Variants in PRAG1 observed in about 807,000 individuals in gnomAD.
The protein encoded by PRAG1 is PEAK1 related, kinase-activating pseudokinase 1.
A neutral mutation model predicts 95.6 loss-of-function variants in PRAG1; 110 were observed. That is an observed-to-expected ratio of 1.15 (90% CI 0.99 to 1.35). PRAG1 has a LOEUF of 1.35. Among genes scored for constraint, PRAG1 ranks in the 40% most tolerant of loss-of-function variants. The pLI, the probability that PRAG1 is intolerant of heterozygous loss-of-function variation, is 0.00. For missense variants in PRAG1, 2,554 were observed against 1,864.7 expected, an observed-to-expected ratio of 1.37 and a Z score of -6.81; for synonymous variants, 1,052 against 819.4, an observed-to-expected ratio of 1.28 and a Z score of -4.85.
chr8:8,370,676 T>A (rs1800161677), intron 3 of PRAG1, among the ~76,000 whole-genome samples: 1 of 152,168 alleles, frequency 6.6e-6, no homozygotes, highest in Admixed American at 6.5e-5. Context: ...CCCATCTCAC[T>A]CATCCTATGC....
intron 3 of PRAG1, among the ~76,000 whole-genome samples, chr8:8,340,812 C>T (rs773227465): frequency 3.9e-5 from 6 of 152,174 alleles, no homozygotes; most frequent in African/African-American, 9.6e-5. Flanking sequence ...CCCTTAGAAT[C>T]GTACTTTTAA....
At chr8:8,340,471 G>A (rs558661971) in intron 3 of PRAG1, among the ~76,000 whole-genome samples, 1 of 152,310 alleles carries the variant, frequency 6.6e-6, no homozygotes, top group East Asian at 1.9e-4. Flanking sequence ...TCCACACCAG[G>A]TCCAGCTCTT....
intron 3 of PRAG1, among the ~76,000 whole-genome samples, chr8:8,373,766 C>G (rs114938164): frequency 6.6e-6 from 1 of 152,018 alleles, no homozygotes; most frequent in African/African-American, 2.4e-5. Flanking sequence ...CTTTTTAATT[C>G]TTTTTTCTCC....
chr8:8,337,830 C>A (rs571041278), intron 4 of PRAG1, among the ~76,000 whole-genome samples: 1 of 152,182 alleles, frequency 6.6e-6, no homozygotes, highest in African/African-American at 2.4e-5. Context: ...AGCTCTCTGT[C>A]TCCCACCTGC....
chr8:8,326,771 A>G (rs1585220461), intron 5 of PRAG1, among the ~76,000 whole-genome samples: 1 of 152,318 alleles, frequency 6.6e-6, no homozygotes, highest in African/African-American at 2.4e-5. Context: ...AGACAGACAC[A>G]GAAGAGCTCA....
At chr8:8,361,205 G>A (rs1481872017) in intron 3 of PRAG1, among the ~76,000 whole-genome samples, 1 of 152,176 alleles carries the variant, frequency 6.6e-6, no homozygotes, top group Non-Finnish European at 1.5e-5. Context: ...AGGAAAGAAC[G>A]TTGAAGTTGA....
intron 3 of PRAG1, among the ~76,000 whole-genome samples, chr8:8,367,419 C>T (rs1800044315): frequency 9.2e-6 from 1 of 108,552 alleles, no homozygotes; most frequent in Non-Finnish European, 1.7e-5. Context: ...GGTCGTGCCA[C>T]TGCACTCCAG....
intron 3 of PRAG1, among the ~76,000 whole-genome samples, chr8:8,369,282 G>C (rs1274791767): frequency 6.6e-6 from 1 of 151,880 alleles, no homozygotes; most frequent in African/African-American, 2.4e-5. Context: ...GAAAAGTCAA[G>C]GAAGAATGTA....
chr8:8,347,532 T>C (rs1397033293), intron 3 of PRAG1, among the ~76,000 whole-genome samples: 1 of 152,236 alleles, frequency 6.6e-6, no homozygotes, highest in Non-Finnish European at 1.5e-5. Context: ...ATTTAGCCAC[T>C]TACTAAAGTC....
At chr8:8,382,764 A>G (rs2116952955) in intron 1 of PRAG1, among the ~76,000 whole-genome samples, 1 of 152,258 alleles carries the variant, frequency 6.6e-6, no homozygotes, top group Middle Eastern at 3.4e-3. Context: ...CCATTAACCA[A>G]TTACCTTGAA....
chr8:8,351,091 G>T (rs754826153), intron 3 of PRAG1, among the ~76,000 whole-genome samples: 3 of 152,180 alleles, frequency 2.0e-5, no homozygotes, highest in Non-Finnish European at 2.9e-5. Flanking sequence ...AAGAAAAGAG[G>T]TTTAATTGCC....
chr8:8,318,552 C>A lies in PRAG1; in HGVS notation c.3823G>T (p.Ala1275Ser), dbSNP rs766765366. The part of the protein sequence containing the change: ...LHQPNPFEVR[A>S]QLRERDYRQE... Reference sequence around the variant, plus strand: ...CGGTAGTCTCTCTCCCGCAGCTGGGCGCGCACCTCGAACGGGTTGGGTTGG... The same window carrying A: ...CGGTAGTCTCTCTCCCGCAGCTGGGAGCGCACCTCGAACGGGTTGGGTTGG... The change falls in exon 6 of 6, where the codon GCC becomes TCC. Residue 1275 changes from alanine (A) to serine (S), a missense_variant. Transcript: ENST00000615670. The surrounding 1 kb of genome is among the most constrained non-coding windows in gnomAD (Gnocchi z 4.2). 1 of 1,613,564 alleles carries A rather than the reference C, an allele frequency of 6.2e-7. No homozygotes were observed. The highest frequency in any genetic ancestry group is 8.5e-7 in the Non-Finnish European group (1 of 1,179,934).
chr8:8,353,837 G>C (rs2116873498), intron 3 of PRAG1, among the ~76,000 whole-genome samples: 1 of 152,106 alleles, frequency 6.6e-6, no homozygotes, highest in East Asian at 1.9e-4. Flanking sequence ...AAAAGAAGAA[G>C]AAGAAGATAA....
intron 3 of PRAG1, among the ~76,000 whole-genome samples, chr8:8,340,114 C>T (rs1799117208): frequency 2.0e-5 from 3 of 152,122 alleles, no homozygotes; most frequent in African/African-American, 7.2e-5. Context: ...TACTCTTTTG[C>T]CAAAGCTTCA....
chr8:8,377,002 C>G lies in PRAG1; in HGVS notation c.1407G>C (p.Gln469His). The G allele has an allele frequency of 6.2e-7, 1 of 1,613,840 alleles. No individual in the cohort carries two copies. The highest frequency in any genetic ancestry group is 8.5e-7 in the Non-Finnish European group (1 of 1,179,940). ...CCATGACTGTGATGGTGGCTGACAC[C>G]TGGGGAGTTGGGTCTGGGCTGTCCC... is the stretch of plus-strand genomic sequence containing the variant. Reference protein sequence around the residue: ...WGRDSPDPTPQVSATITVMAA... With the variant: ...WGRDSPDPTPHVSATITVMAA... Residue 469 changes from glutamine (Q) to histidine (H), a missense_variant, in exon 3 of 6, where the codon CAG becomes CAC. Coordinates refer to ENST00000615670, the MANE Select transcript of PRAG1 (RefSeq NM_001080826.3).
intron 3 of PRAG1, among the ~76,000 whole-genome samples, chr8:8,360,270 C>G (rs533535901): frequency 1.6e-4 from 25 of 152,310 alleles, no homozygotes; most frequent in African/African-American, 5.8e-4. Flanking sequence ...TAACATCTGT[C>G]TTGCCCTCCC....
intron 2 of PRAG1, among the ~76,000 whole-genome samples, chr8:8,380,578 A>C (rs1228584081): frequency 1.3e-5 from 2 of 151,738 alleles, no homozygotes; most frequent in Admixed American, 1.3e-4. Flanking sequence ...GAAAAGAAAA[A>C]TTAGCGGTGC....
chr8:8,359,542 C>A (rs150419504), intron 3 of PRAG1, among the ~76,000 whole-genome samples: 1 of 152,164 alleles, frequency 6.6e-6, no homozygotes, highest in Non-Finnish European at 1.5e-5. Context: ...ATCAGTATGA[C>A]CCGTCTGATT....
At chr8:8,352,222 T>A (rs1483222401) in intron 3 of PRAG1, among the ~76,000 whole-genome samples, 1 of 152,172 alleles carries the variant, frequency 6.6e-6, no homozygotes, top group Non-Finnish European at 1.5e-5. Context: ...TTTTGCCCAA[T>A]AAGGAGCAGA....
Sources: allele counts gnomAD v4.1 joint callset (sites outside exome capture counted in the v4.1 genomes callset), GRCh38; gene constraint gnomAD v4.1.1; non-coding constraint Gnocchi (gnomAD v3.1); transcripts MANE v1.5; gene names NCBI Gene and HGNC (gene_info 2026-07-23, HGNC 2026-07-21).